The following MRPL45 variants were observed in gnomAD, a reference collection of about 807,000 sequenced individuals.
MRPL45 encodes the protein mitochondrial ribosomal protein L45, also known as large ribosomal subunit protein mL45.
Under a neutral mutation model 38.1 loss-of-function variants are expected in MRPL45, and 20 were observed. That is an observed-to-expected ratio of 0.53 (90% CI 0.37 to 0.76). MRPL45 has a LOEUF of 0.76. Ranked by LOEUF, MRPL45 falls within the 30% of genes least tolerant of loss-of-function variation. MRPL45 has a pLI of 0.00. For synonymous variants in MRPL45, 105 were observed against 128.8 expected (o/e 0.82, Z 1.25); for missense variants, 337 against 395.6 (o/e 0.85, Z 1.26).
chr17:38,315,699 T>A (rs1321241376), intron 4 of MRPL45, among the ~76,000 whole-genome samples: 1 of 152,012 alleles, frequency 6.6e-6, no homozygotes, highest in Non-Finnish European at 1.5e-5. Context: ...CATATGAATG[T>A]CTTTCATCAG....
At position 38,306,621 on chromosome 17, in the gene MRPL45, T is replaced by G. The variant is rs746382914; in HGVS notation, c.451T>G (p.Cys151Gly). 39 of 1,613,488 alleles carry G rather than the reference T, an allele frequency of 2.4e-5. No individual in the cohort carries two copies. The Admixed American group carries it at 6.5e-4, about 27-fold the overall frequency. ...AKDIFIEAHL[C>G]LNNSDHDRLH... ...GGATATCTTTATTGAAGCTCACCTT[T>G]GTCTAAATAAGTAAGTGAACTCCCT... The change falls in exon 4 of 8, where the codon TGT becomes GGT. Residue 151 changes from cysteine (C) to glycine (G), a missense_variant. Physicochemically the swap from Cys to Gly is radical, Grantham distance 159 (BLOSUM62 -3). This residue lies in a region of MRPL45 where 251 missense variants were observed against 269.1 expected (regional missense o/e 0.93). Transcript: ENST00000613675.
At chr17:38,310,650 G>A (rs1360804452) in intron 4 of MRPL45, among the ~76,000 whole-genome samples, 4 of 151,846 alleles carry the variant, frequency 2.6e-5, no homozygotes, top group Non-Finnish European at 5.9e-5. Context: ...TTTTGAGACA[G>A]GCTCTTGCGC....
In MRPL45 at chr17:38,318,668, T is replaced by G; in HGVS notation, c.462-19T>G. The G allele has an allele frequency of 6.4e-7, 1 of 1,574,462 alleles. No individual in the cohort carries two copies. The highest frequency in any genetic ancestry group is 2.2e-5 in the East Asian group (1 of 44,586). ...TTATAAGAGCAATAGTCAATGATAT[T>G]TATTGCTTTCTTTTCTAGCTCAGAC... On this transcript the variant is annotated intron_variant, in intron 4 of 7. Transcript: ENST00000613675.
At chr17:38,319,158 C>T (rs547508627) in intron 5 of MRPL45, among the ~76,000 whole-genome samples, 2 of 151,996 alleles carry the variant, frequency 1.3e-5, no homozygotes, top group Non-Finnish European at 2.9e-5. Flanking sequence ...GCCTCAGCCT[C>T]TTGAGTAGCT....
intron 4 of MRPL45, among the ~76,000 whole-genome samples, chr17:38,308,578 T>G (rs2037076814): frequency 6.6e-6 from 1 of 151,838 alleles, no homozygotes; most frequent in Non-Finnish European, 1.5e-5. Flanking sequence ...GTAACTGGGA[T>G]TACAGGCACG....
At chr17:38,317,679 CT>C (rs1395927462) in intron 4 of MRPL45, among the ~76,000 whole-genome samples, 1 of 151,956 alleles carries the variant, frequency 6.6e-6, no homozygotes, top group Non-Finnish European at 1.5e-5. Flanking sequence ...TCATGCCATT[CT>C]CCTGCCTTAG....
intron 3 of MRPL45, among the ~76,000 whole-genome samples, chr17:38,300,954 A>C (rs1467779374): frequency 1.3e-5 from 2 of 152,206 alleles, no homozygotes; most frequent in Non-Finnish European, 2.9e-5. Flanking sequence ...CTCAAAAAAA[A>C]ATAATAATAA....
chr17:38,304,096 A>T (rs1304886391), intron 3 of MRPL45, among the ~76,000 whole-genome samples: 2 of 152,188 alleles, frequency 1.3e-5, no homozygotes, highest in African/African-American at 4.8e-5. Context: ...TCTAAAAAGA[A>T]ATATTTTATT....
intron 3 of MRPL45, among the ~76,000 whole-genome samples, chr17:38,303,817 C>T (rs2037024869): frequency 6.6e-6 from 1 of 151,880 alleles, no homozygotes; most frequent in Non-Finnish European, 1.5e-5. Flanking sequence ...ACTTCCGCCT[C>T]CCGGGTTCAA....
chr17:38,315,420 A>AT (rs1450804978), intron 4 of MRPL45, among the ~76,000 whole-genome samples: 63 of 149,242 alleles, frequency 4.2e-4, no homozygotes, highest in African/African-American at 1.4e-3. Flanking sequence ...GCACCTGGCT[A>AT]ATTTTTTTTT....
At chr17:38,308,243 C>T (rs1033337877) in intron 4 of MRPL45, among the ~76,000 whole-genome samples, 1 of 151,424 alleles carries the variant, frequency 6.6e-6, no homozygotes, top group African/African-American at 2.4e-5. Context: ...GCCTTAGCCT[C>T]CCAAGTAACT....
intron 5 of MRPL45, among the ~76,000 whole-genome samples, chr17:38,319,126 C>T (rs2037206006): frequency 6.6e-6 from 1 of 151,834 alleles, no homozygotes; most frequent in Admixed American, 6.6e-5. Context: ...AGCTCCGCCT[C>T]CCGGGTTCAC....
At chr17:38,322,052 A>T in intron 6 of MRPL45, 74 bp from the exon 7 acceptor site, 8 of 1,400,374 alleles carry the variant, frequency 5.7e-6, no homozygotes, top group Non-Finnish European at 7.9e-6. Context: ...AAAAGGTTGT[A>T]TGGCAATAAA....
chr17:38,311,944 C>T (rs554260389), intron 4 of MRPL45, among the ~76,000 whole-genome samples: 1 of 152,158 alleles, frequency 6.6e-6, no homozygotes, highest in South Asian at 2.1e-4. Flanking sequence ...TGGAATCTTA[C>T]AGTTTTTGAC....
chr17:38,314,018 C>T, intron 4 of MRPL45, among the ~76,000 whole-genome samples: 1 of 152,182 alleles, frequency 6.6e-6, no homozygotes, highest in African/African-American at 2.4e-5. Context: ...TATAGGAGTT[C>T]TTTATATATT....
In MRPL45 at chr17:38,306,679, A is replaced by G. The variant is rs761899141; in HGVS notation, c.461+48A>G. 3.4e-5 allele frequency: 55 copies of G among 1,601,832 alleles called. 2 individuals are homozygous for G. In the South Asian group the frequency reaches 6.2e-4, roughly 18 times the overall value. On this transcript the variant is annotated intron_variant, in intron 4 of 7. Coordinates refer to ENST00000613675, the MANE Select transcript of MRPL45 (RefSeq NM_032351.6). ...CCCATTCTGTTCTCAGCAGTTAGCTATTATTTTAGGCACAGTTTTTTTGTT... is the reference window on the plus strand; with the variant it reads ...CCCATTCTGTTCTCAGCAGTTAGCTGTTATTTTAGGCACAGTTTTTTTGTT...
At chr17:38,319,746 G>T (rs1344007058) in intron 5 of MRPL45, among the ~76,000 whole-genome samples, 1 of 152,196 alleles carries the variant, frequency 6.6e-6, no homozygotes, top group Admixed American at 6.6e-5. Flanking sequence ...GGTAACAGGA[G>T]TGTGAAGCAC....
intron 4 of MRPL45, among the ~76,000 whole-genome samples, chr17:38,313,183 A>C (rs1456267192): frequency 1.3e-5 from 2 of 148,198 alleles, no homozygotes; most frequent in Non-Finnish European, 3.0e-5. Flanking sequence ...ATGGGGTTTC[A>C]TGTGTTAGCC....
At chr17:38,298,717 A>T (rs2036962300) in intron 2 of MRPL45, 91 bp downstream of exon 2, 13 of 1,492,074 alleles carry the variant, frequency 8.7e-6, no homozygotes, top group Non-Finnish European at 1.2e-5. Context: ...ATAATATTTA[A>T]TTAAGCACGA....
Sources: gnomAD v4.1 joint callset for allele counts (sites outside exome capture counted in the v4.1 genomes callset) on GRCh38, gnomAD v4.1.1 for gene constraint, gnomAD v4.1.1 regional missense constraint, MANE v1.5 for transcripts, NCBI Gene and HGNC (gene_info 2026-07-23, HGNC 2026-07-21) for gene names.